MICAL2: variants seen among roughly 807,000 people sequenced by gnomAD.
MICAL2 encodes the protein [F-actin]-monooxygenase MICAL2.
MICAL2 carries 77 observed loss-of-function variants against 127.3 expected under a neutral mutation model. The ratio of observed to expected loss-of-function variants is 0.60; its 90% CI spans 0.50 to 0.73. The LOEUF (loss-of-function observed/expected upper bound fraction) is 0.73, where lower values mean the gene tolerates loss of function less well. MICAL2 is among the 30% of genes least tolerant of loss of function. The pLI is 0.00. For synonymous variants in MICAL2, 570 were observed against 551.1 expected, an observed-to-expected ratio of 1.03 and a Z score of -0.48; for missense variants, 1,351 against 1,434.4, an observed-to-expected ratio of 0.94 and a Z score of 0.94.
downstream of MICAL2, among the ~76,000 whole-genome samples, chr11:12,287,967 CAG>C (rs1167608207): frequency 2.0e-5 from 3 of 152,208 alleles, no homozygotes; most frequent in African/African-American, 7.2e-5. Context: ...TTGGCTTAGA[CAG>C]GGGTTTCTAC....
At chr11:12,148,726 G>A (rs1432300921) in intron 2 of MICAL2, among the ~76,000 whole-genome samples, 1 of 152,234 alleles carries the variant, frequency 6.6e-6, no homozygotes, top group African/African-American at 2.4e-5. Flanking sequence ...CGCACAGTCA[G>A]GTGAGGTAGG....
intron 2 of MICAL2, among the ~76,000 whole-genome samples, chr11:12,158,015 T>C (rs2133775827): frequency 6.6e-6 from 1 of 152,252 alleles, no homozygotes; most frequent in Admixed American, 6.5e-5. Context: ...AAGGCCCTTG[T>C]CCTCTAGTTT....
In MICAL2 at chr11:12,221,561, C is replaced by T. The variant is rs1856821099; in HGVS notation, c.1207-83C>T. The T allele has an allele frequency of 1.3e-5, 13 of 965,020 alleles. No individual in the cohort carries two copies. In the East Asian group the frequency reaches 2.0e-4, roughly 15 times the overall value. The allele number at this position is 965,020 out of a possible 1,614,324, so 59.8% of individuals were successfully genotyped here. A position where few individuals can be genotyped will look rare whatever the true frequency, so the allele number is the denominator to read the frequency against. ...CCTCCAGTGCCCTGCACAGTCCTGG[C>T]AATCAGTGTGTGCTGGGTCCAATGA... is the stretch of plus-strand genomic sequence containing the variant. On this transcript the variant is annotated intron_variant, in intron 9 of 27. Transcript: ENST00000683283.
intron 22 of MICAL2, chr11:12,250,419 G>A (rs371357215): frequency 1.3e-5 from 2 of 152,164 alleles, no homozygotes; most frequent in African/African-American, 4.8e-5. Flanking sequence ...ACTATCTGCC[G>A]CGTGCCTCCT....
At chr11:12,173,895 A>T (rs7951110) in intron 3 of MICAL2, among the ~76,000 whole-genome samples, 47,609 of 152,030 alleles carry the variant, frequency 0.31, 7,707 homozygotes, top group East Asian at 0.56. Context: ...TCAATCTTAA[A>T]AATATATTTA....
intron 30 of MICAL2, chr11:12,323,874 G>A (rs1220236843): frequency 7.8e-7 from 1 of 1,276,056 alleles, no homozygotes; most frequent in Non-Finnish European, 1.1e-6. Context: ...GTAAGCAGTG[G>A]CTGGGAATCA....
chr11:12,209,490 C>T lies in MICAL2; in HGVS notation c.590-7C>T, dbSNP rs776983559. 7.5e-6 allele frequency: 12 copies of T among 1,606,322 alleles called. No individual in the cohort carries two copies. Among genetic ancestry groups the T allele is most frequent in the Non-Finnish European group, 9.4e-6 (11 of 1,172,880 alleles). ...TGCCAACTCATCTCATTTCTCTGTC[C>T]TGGTAGAAATTGGCTGGCGGGCAGA... On this transcript the variant is annotated splice_region_variant and splice_polypyrimidine_tract_variant and intron_variant, in intron 5 of 27. Transcript: ENST00000683283.
At chr11:12,301,960 A>G (rs187541916) in intron 29 of MICAL2, among the ~76,000 whole-genome samples, 1 of 152,296 alleles carries the variant, frequency 6.6e-6, no homozygotes, top group Admixed American at 6.5e-5. Flanking sequence ...TTTTTAATAA[A>G]TGTTCTGAGA....
At chr11:12,166,640 A>G (rs1855538205) in intron 3 of MICAL2, among the ~76,000 whole-genome samples, 1 of 152,222 alleles carries the variant, frequency 6.6e-6, no homozygotes, top group African/African-American at 2.4e-5. Context: ...TGAGAGTTAA[A>G]TAAGGTAACC....
chr11:12,344,303 CA>C (rs1348265946), intron 32 of MICAL2, among the ~76,000 whole-genome samples: 1 of 151,638 alleles, frequency 6.6e-6, no homozygotes, highest in Non-Finnish European at 1.5e-5. Context: ...CTCAAAAAAA[CA>C]AAACAAAACA....
intron 2 of MICAL2, among the ~76,000 whole-genome samples, chr11:12,156,656 C>A (rs757975660): frequency 6.6e-6 from 1 of 152,168 alleles, no homozygotes; most frequent in Non-Finnish European, 1.5e-5. Flanking sequence ...GCCAGCCCTA[C>A]CTGGGCCAGG....
chr11:12,216,917 T>C (rs1856232470), intron 8 of MICAL2, among the ~76,000 whole-genome samples: 2 of 152,226 alleles, frequency 1.3e-5, no homozygotes, highest in Non-Finnish European at 2.9e-5. Context: ...ATAGAGCACC[T>C]GGCACAGTGC....
chr11:12,121,848 T>A (rs143681097), intron 1 of MICAL2, among the ~76,000 whole-genome samples: 15 of 152,334 alleles, frequency 9.8e-5, no homozygotes, highest in African/African-American at 3.6e-4. Context: ...ACTTTTGCTT[T>A]ATGTGATGGA....
intron 34 of MICAL2, among the ~76,000 whole-genome samples, chr11:12,355,295 G>A (rs1175922348): frequency 3.3e-5 from 5 of 152,128 alleles, no homozygotes; most frequent in Non-Finnish European, 5.9e-5. Flanking sequence ...AGAGAAAGGC[G>A]GGCCTAGTGC....
At chr11:12,303,786 T>C (rs1864076581) in intron 29 of MICAL2, 1 of 152,208 alleles carries the variant, frequency 6.6e-6, no homozygotes, top group Non-Finnish European at 1.5e-5. Context: ...TTGTTAGATA[T>C]AAGAACTTTG....
chr11:12,328,700 GA>G (rs1002329063), intron 32 of MICAL2, among the ~76,000 whole-genome samples: 1 of 152,132 alleles, frequency 6.6e-6, no homozygotes, highest in African/African-American at 2.4e-5. Context: ...TATAAAAGGT[GA>G]AAAACTGAGC....
At chr11:12,289,302 G>A (rs1863864175), downstream of MICAL2, among the ~76,000 whole-genome samples, 2 of 152,206 alleles carry the variant, frequency 1.3e-5, no homozygotes, top group East Asian at 1.9e-4. Flanking sequence ...GGCAGCCCCC[G>A]GTGGGCCATA....
At chr11:12,327,166 G>A (rs1198786958) in intron 31 of MICAL2, 1 of 1,551,406 alleles carries the variant, frequency 6.4e-7, no homozygotes, top group East Asian at 2.4e-5. Context: ...TGATCCTGGT[G>A]TTGCAGGCCA....
intron 16 of MICAL2, among the ~76,000 whole-genome samples, chr11:12,237,964 T>G (rs1389943672): frequency 2.0e-5 from 3 of 152,214 alleles, no homozygotes; most frequent in Non-Finnish European, 4.4e-5. Context: ...CTCTTCTCAC[T>G]CAAGCCTGTG....
Sources: gnomAD v4.1 joint callset for allele counts (sites outside exome capture counted in the v4.1 genomes callset) on GRCh38, gnomAD v4.1.1 for gene constraint, MANE v1.5 for transcripts, NCBI Gene and HGNC (gene_info 2026-07-23, HGNC 2026-07-21) for gene names.